Variants in LPAR4 observed in about 807,000 individuals in gnomAD.
LPAR4 encodes lysophosphatidic acid receptor 4.
LPAR4 carries 14 observed loss-of-function variants against 9.2 expected under a neutral mutation model. The ratio of observed to expected loss-of-function variants is 1.51; its 90% CI spans 1.00 to 2.37. The LOEUF (loss-of-function observed/expected upper bound fraction) is 2.37. LPAR4 is among the 30% of genes most tolerant of loss of function. The pLI is 0.00. For synonymous variants in LPAR4, 131 were observed against 97.9 expected, an observed-to-expected ratio of 1.34 and a Z score of -1.99; for missense variants, 251 against 272.1, an observed-to-expected ratio of 0.92 and a Z score of 0.55.
rs1569555875 is a variant in LPAR4, at chrX:78,755,292, C to T, written c.423C>T (p.Val141=). The stretch of plus-strand genomic sequence containing the variant: ...GTGTGGATCGTTTCCTGGCCATTGT[C>T]TATCCTTTTCGATCTCGTACTATTA... ...CISVDRFLAI[V]YPFRSRTIRT... is the part of the protein sequence containing the mutation. Residue 141 remains valine, a synonymous_variant, in exon 5 of 5, where the codon GTC becomes GTT. Coordinates refer to ENST00000614823, the MANE Select transcript of LPAR4 (RefSeq NM_001278000.3). 1 of 1,209,286 alleles carries T rather than the reference C, an allele frequency of 8.3e-7. No individual in the cohort carries two copies. Among genetic ancestry groups the T allele is most frequent in the East Asian group, 3.0e-5 (1 of 33,792 alleles).
chrX:78,756,010 A>G lies in LPAR4; in HGVS notation c.*28A>G. On this transcript the variant is annotated 3_prime_UTR_variant, in exon 5 of 5. Transcript: ENST00000614823. Reference sequence around the variant, plus strand: ...ATGAGAAATGTGTTCAGGTCCAGATATGGTTTCTCCTATAATTTTTCCTAT... The same window carrying G: ...ATGAGAAATGTGTTCAGGTCCAGATGTGGTTTCTCCTATAATTTTTCCTAT... The G allele has an allele frequency of 1.1e-5, 13 of 1,136,747 alleles. No homozygotes were observed. Among genetic ancestry groups the G allele is most frequent in the Non-Finnish European group, 1.5e-5 (13 of 845,078 alleles). 93.7% of individuals were successfully genotyped at this position (1,136,747 alleles called of 1,213,427 possible).
Position 78,755,736 on chromosome X carries a change from A to G in LPAR4, c.867A>G (p.Ala289=). The G allele has an allele frequency of 8.3e-7, 1 of 1,211,064 alleles. No individual in the cohort carries two copies. The highest frequency in any genetic ancestry group is 1.1e-6 in the Non-Finnish European group (1 of 895,075). ...CTAATTGCTTTTTGGAAAGATTTGC[A>G]AAGATCATGTACCCAATCACCTTGT... ...AITNCFLERF[A]KIMYPITLCL... Residue 289 remains alanine, a synonymous_variant, in exon 5 of 5, where the codon GCA becomes GCG. Transcript: ENST00000614823.
chrX:78,755,187 T>C lies in LPAR4; in HGVS notation c.318T>C (p.Phe106=). Reference sequence around the variant, plus strand: ...ACAACTTCAACCGCCACTGGCCTTTTGGTGACACCCTCTGCAAGATCTCTG... The same window carrying C: ...ACAACTTCAACCGCCACTGGCCTTTCGGTGACACCCTCTGCAAGATCTCTG... ...IFYNFNRHWP[F]GDTLCKISGT... is the part of the protein sequence containing the mutation. The change falls in exon 5 of 5, where the codon TTT becomes TTC. Residue 106 remains phenylalanine (F), a synonymous_variant. Transcript: ENST00000614823. The C allele has an allele frequency of 2.5e-6, 3 of 1,210,781 alleles. No individual in the cohort carries two copies. The highest frequency in any genetic ancestry group is 3.4e-6 in the Non-Finnish European group (3 of 894,433).
chrX:78,755,811 C>T lies in LPAR4; in HGVS notation c.942C>T (p.Thr314=), dbSNP rs1193451530. 2.5e-6 allele frequency: 3 copies of T among 1,207,805 alleles called. No homozygotes were observed. The highest frequency in any genetic ancestry group is 2.2e-6 in the Non-Finnish European group (2 of 893,715). ...TTGACCCTTTCATCTATTACTTCAC[C>T]CTTGAATCCTTTCAGAAGTCCTTCT... ...CCFDPFIYYF[T]LESFQKSFYI... is the part of the protein sequence containing the mutation. Residue 314 remains threonine, a synonymous_variant, in exon 5 of 5, where the codon ACC becomes ACT. Transcript: ENST00000614823.
chrX:78,753,314 G>A (rs1925149883), intron 4 of LPAR4, among the ~76,000 whole-genome samples: 1 of 112,103 alleles, frequency 8.9e-6, no homozygotes, highest in African/African-American at 3.2e-5. Context: ...GTTTCTTTTA[G>A]TCAAAAGAAA....
chrX:78,749,041 G>T (rs1212256292), intron 1 of LPAR4: 1 of 111,556 alleles, frequency 9.0e-6, no homozygotes, highest in East Asian at 2.8e-4. Context: ...AGTCTCTCCT[G>T]CCAATCAGAG....
chrX:78,747,782 C>G lies in LPAR4; in HGVS notation c.-547C>G, dbSNP rs1924896536. ...AGCATTCAAGAGAGGGAGTCGTTAA[C>G]AAAGGGAAAGAGATAAATGTAAATA... On this transcript the variant is annotated 5_prime_UTR_variant, in exon 1 of 5. Transcript: ENST00000614823. 9.5e-6 allele frequency: 1 copy of G among 104,800 alleles called. No individual in the cohort carries two copies. Among genetic ancestry groups the G allele is most frequent in the African/African-American group, 3.5e-5 (1 of 28,358 alleles). 8.6% of individuals were successfully genotyped at this position (104,800 alleles called of 1,213,427 possible).
At chrX:78,754,694 A>G (rs748626927) in intron 4 of LPAR4, 97 bp from the exon 5 acceptor site, 3 of 408,772 alleles carry the variant, frequency 7.3e-6, no homozygotes, top group South Asian at 1.0e-4. Flanking sequence ...TGGAATGTGC[A>G]TGTTTTCTTC....
At chrX:78,750,652 G>T (rs1449192084) in intron 2 of LPAR4, 78 bp from the exon 3 acceptor site, 1 of 110,347 alleles carries the variant, frequency 9.1e-6, no homozygotes, top group Non-Finnish European at 1.9e-5. Context: ...ATTGTGTGGG[G>T]TGTAGGTAAA....
Position 78,754,856 on chromosome X carries a change from T to A in LPAR4, c.-14T>A, listed in dbSNP as rs982390274. The stretch of plus-strand genomic sequence containing the variant: ...GAACCCCTGCAGCCAGCAGGCCTCC[T>A]GAAAAAAAAGTCCATGGGTGACAGA... On this transcript the variant is annotated 5_prime_UTR_variant, in exon 5 of 5. Coordinates refer to ENST00000614823, the MANE Select transcript of LPAR4 (RefSeq NM_001278000.3). 4.3e-6 allele frequency: 5 copies of A among 1,174,472 alleles called. No homozygotes were observed. Among genetic ancestry groups the A allele is most frequent in the Non-Finnish European group, 5.7e-6 (5 of 877,189 alleles).
rs1230889412 is a variant in LPAR4 at position 78,749,757 on chromosome X, T to A, written c.-294-417T>A. 1.8e-5 allele frequency among the ~76,000 whole-genome samples: 2 copies of A among 112,073 alleles called. 1 individual carries two copies. The highest frequency in any genetic ancestry group is 3.8e-5 in the Non-Finnish European group (2 of 53,161). ...TTTCATTAAGTCTAATAAAAATTAA[T>A]GACCCTCCTTGCTTGCAGACTTTGA... On this transcript the variant is annotated intron_variant, in intron 1 of 4. Transcript: ENST00000614823.
At position 78,756,993 on chromosome X, in the gene LPAR4, C is replaced by T. The variant is rs1925329365; in HGVS notation, c.*1011C>T. 1 of 119,744 alleles carries T rather than the reference C, an allele frequency of 8.4e-6. No homozygotes were observed. The highest frequency in any genetic ancestry group is 3.3e-5 in the African/African-American group (1 of 29,923). 9.9% of individuals were successfully genotyped at this position (119,744 alleles called of 1,213,427 possible). The stretch of plus-strand genomic sequence containing the variant: ...GGAGGGAGGAGTAGAGATATATAAC[C>T]TGAAAATACTTATTCTTTCTTATCG... On this transcript the variant is annotated 3_prime_UTR_variant, in exon 5 of 5. Transcript: ENST00000614823.
rs759672098 is a variant in LPAR4, at chrX:78,756,032, C to T, written c.*50C>T. On this transcript the variant is annotated 3_prime_UTR_variant, in exon 5 of 5. Transcript: ENST00000614823. ...GATATGGTTTCTCCTATAATTTTTC[C>T]TATGCTATAAACTAAAGATTTGAAG... The T allele has an allele frequency of 2.0e-6, 2 of 1,018,154 alleles. No homozygotes were observed. The highest frequency in any genetic ancestry group is 2.7e-5 in the Admixed American group (1 of 37,037). 83.9% of individuals were successfully genotyped at this position (1,018,154 alleles called of 1,213,427 possible).
chrX:78,748,619 G>C (rs760551690), intron 1 of LPAR4, among the ~76,000 whole-genome samples: 12 of 111,854 alleles, frequency 1.1e-4, no homozygotes, highest in South Asian at 3.7e-4. Context: ...CTCTCTTCTT[G>C]TAAATTTTAA....
chrX:78,753,830 A>T (rs958511247), intron 4 of LPAR4, among the ~76,000 whole-genome samples: 3 of 111,852 alleles, frequency 2.7e-5, no homozygotes, highest in Non-Finnish European at 3.8e-5. Flanking sequence ...GTTAAGTCCC[A>T]GCGCCACACC....
Position 78,747,765 on chromosome X carries a change from A to G in LPAR4, c.-564A>G, listed in dbSNP as rs180988284. The G allele has an allele frequency of 4.6e-5, 5 of 109,138 alleles. No individual in the cohort carries two copies. The East Asian group carries it at 1.4e-3, about 31-fold the overall frequency. The allele number at this position is 109,138 out of a possible 1,213,427, so 9.0% of individuals were successfully genotyped here. A position where few individuals can be genotyped will look rare whatever the true frequency, so the allele number is the denominator to read the frequency against. ...AAAGGCATGCGGGCTACAGCATTCA[A>G]GAGAGGGAGTCGTTAACAAAGGGAA... On this transcript the variant is annotated 5_prime_UTR_variant, in exon 1 of 5. Transcript: ENST00000614823.
At position 78,755,019 on chromosome X, in the gene LPAR4, C is replaced by T; in HGVS notation, c.150C>T (p.Phe50=). 8.3e-7 allele frequency: 1 copy of T among 1,209,672 alleles called. No individual in the cohort carries two copies. ...NLNGAVYSVV[F]ILGLITNSVS... is the part of the protein sequence containing the mutation. ...ATGGTGCTGTCTACAGTGTTGTATT[C>T]ATCTTGGGTCTGATAACCAACAGTG... Residue 50 remains phenylalanine (F), a synonymous_variant, in exon 5 of 5, where the codon TTC becomes TTT. Transcript: ENST00000614823.
At position 78,758,617 on chromosome X, in the gene LPAR4, A is replaced by C. The variant is rs1925404529; in HGVS notation, c.*2635A>C. The stretch of plus-strand genomic sequence containing the variant: ...AATGTAAAGTATAACTAAATATAAA[A>C]GTGACTATGTTACATCGAAAGGAAA... On this transcript the variant is annotated 3_prime_UTR_variant, in exon 5 of 5. Transcript: ENST00000614823. Among the ~76,000 whole-genome samples, 1 of 111,973 alleles carries C rather than the reference A, an allele frequency of 8.9e-6. No homozygotes were observed. The highest frequency in any genetic ancestry group is 3.2e-5 in the African/African-American group (1 of 30,914).
chrX:78,754,989 T>C lies in LPAR4; in HGVS notation c.120T>C (p.Asn40=). The C allele has an allele frequency of 1.7e-6, 2 of 1,210,388 alleles. No homozygotes were observed. Among genetic ancestry groups the C allele is most frequent in the Non-Finnish European group, 2.2e-6 (2 of 894,308 alleles). The change falls in exon 5 of 5, where the codon AAT becomes AAC. Residue 40 remains asparagine, a synonymous_variant. Transcript: ENST00000614823. ...TTGTTGATGATTCCTTCAAGTATAA[T>C]CTCAATGGTGCTGTCTACAGTGTTG... ...TCIVDDSFKY[N]LNGAVYSVVF...
Sources: allele counts gnomAD v4.1 joint callset (sites outside exome capture counted in the v4.1 genomes callset), GRCh38; gene constraint gnomAD v4.1.1; transcripts MANE v1.5; gene names NCBI Gene and HGNC (gene_info 2026-07-23, HGNC 2026-07-21).